MAP3K13: variants seen among roughly 807,000 people sequenced by gnomAD.
The protein encoded by MAP3K13 is leucine zipper-bearing kinase.
MAP3K13 carries 52 observed loss-of-function variants against 104.0 expected under a neutral mutation model. The observed-to-expected ratio is 0.50, with a 90% CI of 0.40 to 0.63. MAP3K13 has a LOEUF of 0.63. Among genes scored for constraint, MAP3K13 ranks in the 20% least tolerant of loss-of-function variants. The probability of loss-of-function intolerance (pLI) is 0.00; values close to 1 mark genes in which losing one functional copy is unlikely to be tolerated. For synonymous variants in MAP3K13, 394 were observed against 442.2 expected (o/e 0.89, Z 1.37); for missense variants, 914 against 1,218.5 (o/e 0.75, Z 3.72).
intron 2 of MAP3K13, among the ~76,000 whole-genome samples, chr3:185,305,954 C>T (rs1309189807): frequency 6.6e-6 from 1 of 152,136 alleles, no homozygotes; most frequent in Non-Finnish European, 1.5e-5. Flanking sequence ...CTGCTAGTCC[C>T]CAGTGTCTAC....
intron 1 of MAP3K13, among the ~76,000 whole-genome samples, chr3:185,410,024 C>A (rs903347563): frequency 3.9e-5 from 6 of 152,114 alleles, no homozygotes; most frequent in Admixed American, 2.0e-4. Flanking sequence ...CTTATGAGAT[C>A]CCTCGAATGT....
chr3:185,449,200 C>T (rs1715751195), intron 5 of MAP3K13, among the ~76,000 whole-genome samples: 2 of 151,786 alleles, frequency 1.3e-5, no homozygotes, highest in Admixed American at 1.3e-4. Flanking sequence ...GGTGAAATCC[C>T]ATCTCCACTA....
At position 185,327,300 on chromosome 3, in the gene MAP3K13, C is replaced by T. The variant is rs116324515; in HGVS notation, c.-86+41657C>T. ...TTCATGTGACTAGGTTGGACTCCTCCGGATAATCTCCCCATTTCAAAGTCC... is the reference window on the plus strand; with the variant it reads ...TTCATGTGACTAGGTTGGACTCCTCTGGATAATCTCCCCATTTCAAAGTCC... On this transcript the variant is annotated intron_variant, in intron 2 of 14. Transcript: ENST00000424227. 4.5e-3 allele frequency among the ~76,000 whole-genome samples: 691 copies of T among 152,308 alleles called. 3 individuals are homozygous for T. The highest frequency in any genetic ancestry group is 0.016 in the African/African-American group (652 of 41,550).
rs545880212 is a variant in MAP3K13, at chr3:185,286,294, A to G, written c.-86+651A>G. ...CAGAACCTAAACTTCTAACTTTATG[A>G]TAATATTTGTCACCTTTTAATCACT... is the stretch of plus-strand genomic sequence containing the variant. On this transcript the variant is annotated intron_variant, in intron 2 of 14. Transcript: ENST00000424227. Among the ~76,000 whole-genome samples, 3 of 152,142 alleles carry G rather than the reference A, an allele frequency of 2.0e-5. No homozygotes were observed. In the South Asian group the frequency reaches 6.2e-4, roughly 32 times the overall value.
intron 7 of MAP3K13, among the ~76,000 whole-genome samples, chr3:185,454,355 G>T (rs1453268445): frequency 3.4e-4 from 4 of 11,810 alleles, no homozygotes; most frequent in African/African-American, 5.7e-4. Flanking sequence ...AGATATATGA[G>T]ATATATATGA....
chr3:185,333,635 T>G lies in MAP3K13; in HGVS notation c.-86+47992T>G, dbSNP rs563641586. Among the ~76,000 whole-genome samples, 16 of 152,324 alleles carry G rather than the reference T, an allele frequency of 1.1e-4. No individual in the cohort carries two copies. The East Asian group carries it at 2.9e-3, about 28-fold the overall frequency. On this transcript the variant is annotated intron_variant, in intron 2 of 14. Coordinates refer to the MAP3K13 transcript ENST00000424227. ...TGGCTGGGCACAGTGGGCTCAAGCC[T>G]GTAATCCCAACATTTTGAGAGGCTG...
chr3:185,480,155 A>G (rs1577632240), intron 12 of MAP3K13, 77 bp from the exon 13 acceptor site: 3 of 1,375,722 alleles, frequency 2.2e-6, no homozygotes, highest in Non-Finnish European at 3.0e-6. Context: ...TATCTCTACC[A>G]CTACTATGAG....
intron 2 of MAP3K13, among the ~76,000 whole-genome samples, chr3:185,287,336 T>G (rs994357882): frequency 6.6e-6 from 1 of 152,250 alleles, no homozygotes; most frequent in East Asian, 1.9e-4. Flanking sequence ...TATTTTACTT[T>G]GTTCTTGATG....
intron 2 of MAP3K13, among the ~76,000 whole-genome samples, chr3:185,287,786 A>G (rs1720578051): frequency 6.6e-6 from 1 of 152,180 alleles, no homozygotes; most frequent in African/African-American, 2.4e-5. Context: ...CTGTAATCCT[A>G]GCACTTTGGG....
rs529465039 is a variant in MAP3K13 at position 185,287,590 on chromosome 3, G to T, written c.-86+1947G>T. The stretch of plus-strand genomic sequence containing the variant: ...AATAGATAAGTAAAATTAATTATAT[G>T]AAAATTTAAATAATAATCTTTATTT... On this transcript the variant is annotated intron_variant, in intron 2 of 14. Coordinates refer to the MAP3K13 transcript ENST00000424227. 5.7e-4 allele frequency among the ~76,000 whole-genome samples: 87 copies of T among 152,034 alleles called. 1 individual carries two copies. The highest frequency in any genetic ancestry group is 2.1e-3 in the African/African-American group (87 of 41,518).
chr3:185,475,093 C>CAA (rs972600527), intron 11 of MAP3K13, among the ~76,000 whole-genome samples: 13 of 41,754 alleles, frequency 3.1e-4, no homozygotes, highest in South Asian at 8.7e-4. Flanking sequence ...GACCCCATCT[C>CAA]AAAAAAAAAA....
chr3:185,458,233 G>C (rs898766544), intron 7 of MAP3K13, among the ~76,000 whole-genome samples: 2 of 151,854 alleles, frequency 1.3e-5, no homozygotes. Flanking sequence ...GCTGGGTGTG[G>C]TGTAATCACC....
intron 1 of MAP3K13, among the ~76,000 whole-genome samples, chr3:185,367,070 A>C (rs1408420208): frequency 6.6e-6 from 1 of 152,170 alleles, no homozygotes. Flanking sequence ...CTCCACATTT[A>C]GATCTGTGAC....
In MAP3K13 at chr3:185,384,336, G is replaced by GTGTGTGTGTGTGTT. The variant is rs779559634; in HGVS notation, c.-86+20970_-86+20971insTGTGTGTGTGTTTG. 3.6e-3 allele frequency among the ~76,000 whole-genome samples: 554 copies of GTGTGTGTGTGTGTT among 151,874 alleles called. 2 individuals carry two copies. The highest frequency in any genetic ancestry group is 0.01 in the Middle Eastern group (3 of 294). ...TGTGTGTGTGTGTGTGTGTGTGTGTGTGAGACACATTGTCTCTATCCATTT... is the reference window on the plus strand; with the variant it reads ...TGTGTGTGTGTGTGTGTGTGTGTGTGTGTGTGTGTGTGTTTGAGACACATTGTCTCTATCCATTT... On this transcript the variant is annotated intron_variant, in intron 1 of 13. Transcript: ENST00000265026.
intron 2 of MAP3K13, among the ~76,000 whole-genome samples, chr3:185,340,224 G>A (rs1196445828): frequency 6.6e-6 from 1 of 152,196 alleles, no homozygotes; most frequent in Admixed American, 6.5e-5. Context: ...TACAAAAGGT[G>A]TGGAATAAAG....
Position 185,423,296 on chromosome 3 carries a change from G to A in MAP3K13, c.-85-5201G>A, listed in dbSNP as rs1319178042. ...ACTGGTCCCTGGTGCCAAAGAGGTT[G>A]GGGACTGCTGCTGTATAGGATAACC... On this transcript the variant is annotated intron_variant, in intron 1 of 13. Coordinates refer to ENST00000265026, the MANE Select transcript of MAP3K13 (RefSeq NM_004721.5). This position sits in a 1 kb window ranked among gnomAD's most constrained non-coding sequence, Gnocchi z 4.1. Among the ~76,000 whole-genome samples the A allele has an allele frequency of 6.6e-6, 1 of 152,202 alleles. No homozygotes were observed. Among genetic ancestry groups the A allele is most frequent in the Non-Finnish European group, 1.5e-5 (1 of 68,032 alleles).
At chr3:185,370,949 C>T (rs1479915303) in intron 1 of MAP3K13, among the ~76,000 whole-genome samples, 1 of 152,024 alleles carries the variant, frequency 6.6e-6, no homozygotes, top group Non-Finnish European at 1.5e-5. Context: ...TGTCTTCTAA[C>T]TCGAGCTGAA....
At chr3:185,443,285 T>C (rs970858925) in intron 3 of MAP3K13, among the ~76,000 whole-genome samples, 160 bp from the exon 4 acceptor site, 6 of 152,198 alleles carry the variant, frequency 3.9e-5, no homozygotes, top group African/African-American at 1.4e-4. Context: ...ACCTGTAGAC[T>C]AGAGAAGTTT....
chr3:185,368,025 C>T (rs1426740478), intron 1 of MAP3K13, among the ~76,000 whole-genome samples: 1 of 152,136 alleles, frequency 6.6e-6, no homozygotes, highest in Non-Finnish European at 1.5e-5. Flanking sequence ...GATGTGGTGG[C>T]ACACGCCTGT....
Sources: allele counts gnomAD v4.1 joint callset (sites outside exome capture counted in the v4.1 genomes callset), GRCh38; gene constraint gnomAD v4.1.1; non-coding constraint Gnocchi (gnomAD v3.1); transcripts MANE v1.5; gene names NCBI Gene and HGNC (gene_info 2026-07-23, HGNC 2026-07-21).